GARIN5A: variants seen among roughly 807,000 people sequenced by gnomAD.
GARIN5A encodes the protein Golgi-associated RAB2 interactor protein 5A.
chr19:50,472,971 C>T, the GARIN5A span, among the ~76,000 whole-genome samples: 4 of 152,118 alleles, frequency 2.6e-5, no homozygotes, highest in Non-Finnish European at 5.9e-5. Flanking sequence ...TCACTTGAGG[C>T]CCGGAGTTCA....
the GARIN5A span, among the ~76,000 whole-genome samples, chr19:50,474,711 T>C: frequency 6.6e-6 from 1 of 152,074 alleles, no homozygotes; most frequent in Non-Finnish European, 1.5e-5. Flanking sequence ...GGTCTCAAAT[T>C]CCTGGCCTCA....
chr19:50,476,557 A>G, the GARIN5A span: 2 of 1,574,756 alleles, frequency 1.3e-6, no homozygotes, highest in Non-Finnish European at 1.7e-6. Context: ...GGCGGCAGCC[A>G]GCGCTGGGGC....
chr19:50,472,240 G>A, the GARIN5A span, among the ~76,000 whole-genome samples: 6,220 of 73,114 alleles, frequency 0.085, 197 homozygotes, highest in African/African-American at 0.15. Context: ...ATGTATGTGT[G>A]TATTATATAT....
chr19:50,468,439 C>T, the GARIN5A span, among the ~76,000 whole-genome samples: 1 of 151,794 alleles, frequency 6.6e-6, no homozygotes, highest in African/African-American at 2.4e-5. Flanking sequence ...TGTTCAACAG[C>T]CCACTTCTCA....
At chr19:50,467,495 A>T in the GARIN5A span, 1 of 1,086,214 alleles carries the variant, frequency 9.2e-7, no homozygotes, top group African/African-American at 1.6e-5. Flanking sequence ...TAGACCTGGG[A>T]GTCCTCAGAC....
the GARIN5A span, among the ~76,000 whole-genome samples, chr19:50,474,785 T>G: frequency 1.2e-4 from 19 of 152,158 alleles, no homozygotes; most frequent in African/African-American, 4.3e-4. Flanking sequence ...CCGCACCCGA[T>G]CTGCATTACT....
the GARIN5A span, among the ~76,000 whole-genome samples, chr19:50,472,467 G>C: frequency 6.6e-6 from 1 of 152,038 alleles, no homozygotes; most frequent in African/African-American, 2.4e-5. Flanking sequence ...TGTTCATTTG[G>C]GAAGGGGTTT....
the GARIN5A span, among the ~76,000 whole-genome samples, chr19:50,469,277 C>T: frequency 4.6e-5 from 7 of 152,186 alleles, no homozygotes; most frequent in Non-Finnish European, 1.0e-4. Context: ...TTTCTCCAGG[C>T]AAGACCCGCC....
At chr19:50,476,597 C>A in the GARIN5A span, 1 of 1,570,022 alleles carries the variant, frequency 6.4e-7, no homozygotes, top group Non-Finnish European at 8.6e-7. Flanking sequence ...TTGCTGATGG[C>A]GGTAGCAGCG....
chr19:50,471,796 ATGTGTATACGCATACATACCTG>A, the GARIN5A span, among the ~76,000 whole-genome samples: 48 of 145,274 alleles, frequency 3.3e-4, 2 homozygotes, highest in African/African-American at 1.1e-3. Context: ...GCATACATGC[ATGTGTATACGCATACATACCTG>A]TGTGTATACG....
the GARIN5A span, chr19:50,476,232 G>A: frequency 8.1e-6 from 13 of 1,613,568 alleles, no homozygotes; most frequent in Non-Finnish European, 9.3e-6. Context: ...AGCGGACGGA[G>A]GAGCAGAGGG....
chr19:50,473,004 G>A, the GARIN5A span, among the ~76,000 whole-genome samples: 3 of 152,200 alleles, frequency 2.0e-5, no homozygotes, highest in Non-Finnish European at 2.9e-5. Context: ...GCAACATAGT[G>A]AGATCCCACC....
chr19:50,475,962 G>C, the GARIN5A span: 1 of 1,607,700 alleles, frequency 6.2e-7, no homozygotes, highest in East Asian at 2.2e-5. Context: ...TTACCAGGAC[G>C]AAGTCTGGGG....
the GARIN5A span, among the ~76,000 whole-genome samples, chr19:50,473,584 T>C: frequency 6.6e-6 from 1 of 152,130 alleles, no homozygotes; most frequent in South Asian, 2.1e-4. Context: ...GGTCTTGAAC[T>C]CCAAGCCTGA....
At chr19:50,475,045 G>A in the GARIN5A span, among the ~76,000 whole-genome samples, 1 of 152,166 alleles carries the variant, frequency 6.6e-6, no homozygotes, top group Non-Finnish European at 1.5e-5. Flanking sequence ...GCGGCCTAGG[G>A]GCGTCTGGCA....
the GARIN5A span, chr19:50,467,561 C>T: frequency 6.5e-7 from 1 of 1,533,498 alleles, no homozygotes; most frequent in South Asian, 1.2e-5. Context: ...CTCACCTCCT[C>T]CCACTCCCTC....
the GARIN5A span, among the ~76,000 whole-genome samples, chr19:50,470,803 C>T: frequency 2.0e-5 from 3 of 151,518 alleles, no homozygotes; most frequent in East Asian, 4.0e-4. Context: ...TACAGGCGCC[C>T]GCCACCATGC....
chr19:50,469,410 C>T, the GARIN5A span, among the ~76,000 whole-genome samples: 1 of 152,170 alleles, frequency 6.6e-6, no homozygotes, highest in Non-Finnish European at 1.5e-5. Context: ...GCCCCACAGG[C>T]CTTGCCCATC....
the GARIN5A span, chr19:50,475,612 C>T: frequency 1.3e-6 from 1 of 760,536 alleles, no homozygotes; most frequent in Admixed American, 2.8e-5. Context: ...GTTCAAGAAT[C>T]ATATGGGTGT....
Sources: allele counts gnomAD v4.1 joint callset (sites outside exome capture counted in the v4.1 genomes callset), GRCh38; gene constraint gnomAD v4.1.1; transcripts MANE v1.5; gene names NCBI Gene and HGNC (gene_info 2026-07-23, HGNC 2026-07-21).